The following RBFOX1 variants were observed in gnomAD, a reference collection of about 807,000 sequenced individuals.
The protein encoded by RBFOX1 is RNA binding protein fox-1 homolog 1.
RBFOX1 carries 8 observed loss-of-function variants against 57.7 expected under a neutral mutation model. The ratio of observed to expected loss-of-function variants is 0.14; its 90% CI spans 0.08 to 0.25. RBFOX1 has a LOEUF of 0.25. Ranked by LOEUF, RBFOX1 falls within the 10% of genes least tolerant of loss-of-function variation. The pLI, the probability that RBFOX1 is intolerant of heterozygous loss-of-function variation, is 1.00. For missense variants in RBFOX1, 611 were observed against 548.5 expected, an observed-to-expected ratio of 1.11 and a Z score of -1.14; for synonymous variants, 326 against 222.4, an observed-to-expected ratio of 1.47 and a Z score of -4.15.
intron 1 of RBFOX1, among the ~76,000 whole-genome samples, chr16:5,348,634 C>T (rs1041332420): frequency 2.1e-4 from 32 of 152,196 alleles, no homozygotes; most frequent in Non-Finnish European, 4.4e-5. Context: ...ACAGGAAAGA[C>T]AGACATGGAA....
At chr16:6,256,243 A>G (rs1479887968) in intron 1 of RBFOX1, among the ~76,000 whole-genome samples, 34 of 96,320 alleles carry the variant, frequency 3.5e-4, no homozygotes, top group South Asian at 2.3e-3. Flanking sequence ...GTGTATATAT[A>G]TATGTATATA....
At position 7,664,874 on chromosome 16, in the gene RBFOX1, C is replaced by T; in HGVS notation, c.891-55C>T. ...CTCGCCAGTGCAGGGGTTGGTGTGT[C>T]TGCATGGGAAATGCACTAATATGGA... On this transcript the variant is annotated intron_variant, in intron 12 of 15. Coordinates refer to ENST00000550418, the MANE Select transcript of RBFOX1 (RefSeq NM_018723.4). The T allele has an allele frequency of 5.0e-6, 8 of 1,613,792 alleles. No homozygotes were observed. The South Asian group carries it at 8.8e-5, about 18-fold the overall frequency.
intron 3 of RBFOX1, among the ~76,000 whole-genome samples, chr16:6,840,751 G>A (rs2093412476): frequency 6.6e-6 from 1 of 151,926 alleles, no homozygotes; most frequent in African/African-American, 2.4e-5. Flanking sequence ...GATCAGTGTG[G>A]TGGTGTGCAC....
intron 5 of RBFOX1, among the ~76,000 whole-genome samples, chr16:7,551,107 A>T (rs1022106796): frequency 4.0e-5 from 6 of 148,344 alleles, no homozygotes; most frequent in African/African-American, 7.5e-5. Flanking sequence ...AAAAAAAAAG[A>T]AAAAAAAAGA....
At chr16:5,884,149 G>A (rs988570106) in intron 4 of RBFOX1, among the ~76,000 whole-genome samples, 2 of 152,148 alleles carry the variant, frequency 1.3e-5, no homozygotes, top group African/African-American at 4.8e-5. Context: ...GGGTCACAGT[G>A]CCTGGCAAAT....
At chr16:5,811,029 G>A (rs188846732) in intron 3 of RBFOX1, among the ~76,000 whole-genome samples, 8 of 151,842 alleles carry the variant, frequency 5.3e-5, no homozygotes, top group Admixed American at 2.0e-4. Context: ...GCAGTCCCTC[G>A]CTCCTGCCCC....
At chr16:5,384,826 C>T (rs184941634) in intron 1 of RBFOX1, among the ~76,000 whole-genome samples, 2 of 152,224 alleles carry the variant, frequency 1.3e-5, no homozygotes, top group Non-Finnish European at 2.9e-5. Context: ...AAATGTGCCT[C>T]ATGTATAAAT....
At chr16:5,514,517 A>G (rs2043719911) in intron 2 of RBFOX1, among the ~76,000 whole-genome samples, 3 of 152,330 alleles carry the variant, frequency 2.0e-5, no homozygotes, top group Admixed American at 2.0e-4. Flanking sequence ...GAGAGGAGCC[A>G]TGAGTGACAG....
intron 2 of RBFOX1, among the ~76,000 whole-genome samples, chr16:6,384,963 T>C (rs148279569): frequency 2.0e-5 from 3 of 152,318 alleles, no homozygotes; most frequent in Non-Finnish European, 4.4e-5. Flanking sequence ...TCTGTGTAAA[T>C]GGTAGCCATG....
rs116084232 is a variant in RBFOX1, at chr16:5,857,449, G to A, written c.319-9854G>A. On this transcript the variant is annotated intron_variant, in intron 3 of 19. Coordinates refer to the RBFOX1 transcript ENST00000641259. ...CACTGATAGACTTGCTTGACACAGG[G>A]TTGCCGTAAAGCTTTAATTGATTAA... Among the ~76,000 whole-genome samples the A allele has an allele frequency of 3.0e-3, 452 of 152,220 alleles. 3 individuals are homozygous for A. Among genetic ancestry groups the A allele is most frequent in the African/African-American group, 0.011 (438 of 41,534 alleles).
chr16:5,844,257 T>G (rs1423579413), intron 3 of RBFOX1, among the ~76,000 whole-genome samples: 1 of 152,206 alleles, frequency 6.6e-6, no homozygotes, highest in Non-Finnish European at 1.5e-5. Flanking sequence ...AATCTCAAAC[T>G]TAGAAACTCA....
At chr16:7,114,576 T>C (rs74008809) in intron 4 of RBFOX1, among the ~76,000 whole-genome samples, 1 of 152,162 alleles carries the variant, frequency 6.6e-6, no homozygotes, top group Non-Finnish European at 1.5e-5. Flanking sequence ...ACCATCTATT[T>C]ATCTCCTCTA....
intron 2 of RBFOX1, among the ~76,000 whole-genome samples, chr16:6,486,377 C>G (rs1313536225): frequency 6.6e-6 from 1 of 151,818 alleles, no homozygotes; most frequent in Non-Finnish European, 1.5e-5. Context: ...CAGTTGTAAT[C>G]TGGTGAAATG....
intron 4 of RBFOX1, among the ~76,000 whole-genome samples, chr16:7,059,660 T>A (rs2053626428): frequency 6.6e-6 from 1 of 152,170 alleles, no homozygotes; most frequent in Non-Finnish European, 1.5e-5. Flanking sequence ...CGTACCAGAT[T>A]AATACATACT....
chr16:7,461,053 G>T lies in RBFOX1; in HGVS notation c.28-57094G>T, dbSNP rs75595386. On this transcript the variant is annotated intron_variant, in intron 4 of 15. Transcript: ENST00000550418. Reference sequence around the variant, plus strand: ...GAGGTCTTTAGGTTTCTGTTAGCCAGATAATTATCTTTTGTTTAGTTAGCT... The same window carrying T: ...GAGGTCTTTAGGTTTCTGTTAGCCATATAATTATCTTTTGTTTAGTTAGCT... 7.5e-3 allele frequency among the ~76,000 whole-genome samples: 1,135 copies of T among 152,304 alleles called. 22 individuals carry two copies. Among genetic ancestry groups the T allele is most frequent in the East Asian group, 0.059 (305 of 5,184 alleles).
intron 3 of RBFOX1, among the ~76,000 whole-genome samples, chr16:6,820,193 C>G (rs758097588): frequency 2.6e-5 from 4 of 152,170 alleles, no homozygotes; most frequent in Non-Finnish European, 5.9e-5. Context: ...CACCTTCCAT[C>G]GTGATTGTGA....
At chr16:7,413,464 A>G (rs1287846741) in intron 4 of RBFOX1, among the ~76,000 whole-genome samples, 3 of 152,014 alleles carry the variant, frequency 2.0e-5, no homozygotes, top group Admixed American at 1.3e-4. Context: ...TGCATTTCTC[A>G]CAAGATCCAA....
chr16:6,902,538 A>C (rs985798375), intron 3 of RBFOX1, among the ~76,000 whole-genome samples: 1 of 152,170 alleles, frequency 6.6e-6, no homozygotes, highest in Non-Finnish European at 1.5e-5. Context: ...CCTAACCAAC[A>C]TGGTAATGCC....
At chr16:5,629,788 A>C (rs1238266279) in intron 3 of RBFOX1, among the ~76,000 whole-genome samples, 1 of 152,240 alleles carries the variant, frequency 6.6e-6, no homozygotes, top group Admixed American at 6.5e-5. Flanking sequence ...AGTTGGAAGC[A>C]ACAGAGCCAA....
Sources: gnomAD v4.1 joint callset for allele counts (sites outside exome capture counted in the v4.1 genomes callset) on GRCh38, gnomAD v4.1.1 for gene constraint, MANE v1.5 for transcripts, NCBI Gene and HGNC (gene_info 2026-07-23, HGNC 2026-07-21) for gene names.